The following ASRGL1 variants were observed in gnomAD, a reference collection of about 807,000 sequenced individuals.
ASRGL1 encodes isoaspartyl peptidase/L-asparaginase.
In ASRGL1, 16 loss-of-function variants were observed where a neutral mutation model predicts 22.4. The observed-to-expected ratio is 0.71, with a 90% CI of 0.48 to 1.08. The LOEUF is 1.08. Ranked by LOEUF, ASRGL1 falls within the 50% of genes least tolerant of loss-of-function variation. ASRGL1 has a pLI of 0.00. For missense variants in ASRGL1, 412 were observed against 410.1 expected (o/e 1.00, Z -0.04); for synonymous variants, 165 against 159.3 (o/e 1.04, Z -0.27).
At chr11:62,389,468 T>G in intron 5 of ASRGL1, 1 of 610,300 alleles carries the variant, frequency 1.6e-6, no homozygotes, top group East Asian at 3.2e-5. Flanking sequence ...TTTTACTAGA[T>G]TGCATGCCTT....
chr11:62,346,182 G>A (rs1946016017), intron 2 of ASRGL1, among the ~76,000 whole-genome samples: 2 of 152,068 alleles, frequency 1.3e-5, no homozygotes, highest in Admixed American at 1.3e-4. Flanking sequence ...CTATAAATTG[G>A]GGTTCCCATG....
chr11:62,353,708 T>C (rs1946216674), intron 2 of ASRGL1, among the ~76,000 whole-genome samples: 1 of 152,202 alleles, frequency 6.6e-6, no homozygotes, highest in South Asian at 2.1e-4. Context: ...TTGTCATCTG[T>C]TAATTCTTTT....
At position 62,338,027 on chromosome 11, in the gene ASRGL1, A is replaced by G. The variant is rs543873786; in HGVS notation, c.50A>G (p.Lys17Arg). 1.1e-5 allele frequency: 17 copies of G among 1,608,020 alleles called. No homozygotes were observed. The African/African-American group carries it at 2.1e-4, about 20-fold the overall frequency. Residue 17 changes from lysine to arginine, a missense_variant, in exon 2 of 7, where the codon AAG becomes AGG. Coordinates refer to ENST00000415229, the MANE Select transcript of ASRGL1 (RefSeq NM_001083926.2). Reference protein sequence around the residue: ...VHGGGAGPISKDRKERVHQGM... With the variant: ...VHGGGAGPISRDRKERVHQGM... ...GGCGGCGGAGCCGGTCCCATCTCCA[A>G]GGATCGGAAGGAGCGAGTGCACCAG...
intron 2 of ASRGL1, among the ~76,000 whole-genome samples, chr11:62,346,100 C>T (rs1457550713): frequency 6.6e-6 from 1 of 152,108 alleles, no homozygotes; most frequent in Non-Finnish European, 1.5e-5. Context: ...GGGCTCAGTC[C>T]CGTAAGACTG....
At chr11:62,362,064 T>G (rs994930663) in intron 4 of ASRGL1, among the ~76,000 whole-genome samples, 1 of 152,164 alleles carries the variant, frequency 6.6e-6, no homozygotes, top group Non-Finnish European at 1.5e-5. Context: ...GCAAGAAGCT[T>G]GGCTAAGAAT....
chr11:62,349,091 C>T (rs962433058), intron 2 of ASRGL1, among the ~76,000 whole-genome samples: 1 of 152,122 alleles, frequency 6.6e-6, no homozygotes, highest in African/African-American at 2.4e-5. Context: ...GCCTCAGCCT[C>T]CTGAGTCGCT....
intron 5 of ASRGL1, 71 bp downstream of exon 5, chr11:62,389,322 C>T (rs1299437130): frequency 3.7e-6 from 5 of 1,353,224 alleles, no homozygotes; most frequent in Non-Finnish European, 4.2e-6. Context: ...CTCTCTATTC[C>T]CTGCCCCTCT....
At chr11:62,345,713 T>C (rs1023690433) in intron 2 of ASRGL1, among the ~76,000 whole-genome samples, 2 of 152,116 alleles carry the variant, frequency 1.3e-5, no homozygotes, top group African/African-American at 4.8e-5. Context: ...TGGAAAACAT[T>C]TATGTTTACC....
At chr11:62,391,655 A>C (rs768762927) in intron 6 of ASRGL1, 23 bp downstream of exon 6, 5 of 1,582,138 alleles carry the variant, frequency 3.2e-6, no homozygotes, top group Non-Finnish European at 4.3e-6. Flanking sequence ...CAGGACAAGT[A>C]AAATAATTTG....
At chr11:62,355,091 T>C (rs1292969728) in intron 2 of ASRGL1, among the ~76,000 whole-genome samples, 1 of 150,652 alleles carries the variant, frequency 6.6e-6, no homozygotes, top group Non-Finnish European at 1.5e-5. Flanking sequence ...CTAGTTTTTA[T>C]ATTTTTAGTA....
Position 62,357,064 on chromosome 11 carries a change from A to G in ASRGL1, c.411A>G (p.Glu137=), listed in dbSNP as rs754580834. Residue 137 remains glutamate, a synonymous_variant, in exon 4 of 7, where the codon GAA becomes GAG. Transcript: ENST00000415229. Reference sequence around the variant, plus strand: ...TGGGGGTTCCAGAGATTCCTGGAGAAAAACTGGTGACAGAGAGAAACAAAA... The same window carrying G: ...TGGGGGTTCCAGAGATTCCTGGAGAGAAACTGGTGACAGAGAGAAACAAAA... ...AAMGVPEIPG[E]KLVTERNKKR... 3.1e-6 allele frequency: 5 copies of G among 1,614,090 alleles called. No individual in the cohort carries two copies. In the Admixed American group the frequency reaches 8.3e-5, roughly 27 times the overall value.
At chr11:62,342,620 G>A (rs2513054) in intron 2 of ASRGL1, among the ~76,000 whole-genome samples, 34,750 of 99,210 alleles carry the variant, frequency 0.35, 4,222 homozygotes, top group East Asian at 0.54. Context: ...AGCCAGGCAT[G>A]GTATGGCACA....
chr11:62,389,066 A>G (rs1162184988), intron 4 of ASRGL1, 67 bp from the exon 5 acceptor site: 8 of 1,356,358 alleles, frequency 5.9e-6, no homozygotes, highest in Non-Finnish European at 7.3e-6. Context: ...GTTTTAAGGT[A>G]CATTGTTGGT....
Position 62,392,436 on chromosome 11 carries a change from TG to T in ASRGL1, c.*156del. On this transcript the variant is annotated 3_prime_UTR_variant, in exon 7 of 7. Coordinates refer to ENST00000415229, the MANE Select transcript of ASRGL1 (RefSeq NM_001083926.2). ...TAATAAGCATCTGAATGTTTGGTTG[TG>T]GGGCGGGTTCTGAAGCGATGAGAGA... 2 of 942,396 alleles carry T rather than the reference TG, an allele frequency of 2.1e-6. No individual in the cohort carries two copies. Among genetic ancestry groups the T allele is most frequent in the Non-Finnish European group, 1.6e-6 (1 of 631,328 alleles). 58.4% of individuals were successfully genotyped at this position (942,396 alleles called of 1,614,324 possible). A position where few individuals can be genotyped will look rare whatever the true frequency, so the allele number is the denominator to read the frequency against.
intron 4 of ASRGL1, among the ~76,000 whole-genome samples, chr11:62,363,665 G>A (rs951063127): frequency 3.3e-5 from 5 of 152,158 alleles, no homozygotes; most frequent in Admixed American, 1.3e-4. Flanking sequence ...GTATTTGAGT[G>A]TGATCATGTA....
intron 4 of ASRGL1, among the ~76,000 whole-genome samples, chr11:62,358,592 A>G (rs548525101): frequency 6.6e-6 from 1 of 152,310 alleles, no homozygotes; most frequent in African/African-American, 2.4e-5. Flanking sequence ...GGTTCCTGCC[A>G]TGGTCCCTGC....
chr11:62,358,303 G>A (rs1160024083), intron 4 of ASRGL1, among the ~76,000 whole-genome samples: 3 of 150,272 alleles, frequency 2.0e-5, no homozygotes, highest in African/African-American at 7.3e-5. Flanking sequence ...CCGGGAGGCA[G>A]AGGTTGCGGT....
intron 2 of ASRGL1, among the ~76,000 whole-genome samples, chr11:62,352,075 A>G (rs947324632): frequency 3.9e-5 from 6 of 152,152 alleles, no homozygotes; most frequent in Non-Finnish European, 7.4e-5. Context: ...GTCCCCCTCA[A>G]AATTTAAGTG....
At chr11:62,372,654 T>C in intron 4 of ASRGL1, 1 of 980,708 alleles carries the variant, frequency 1.0e-6, no homozygotes, top group Non-Finnish European at 1.7e-6. Context: ...CTCCCAGAAG[T>C]GAGTCTTCTC....
Sources: gnomAD v4.1 joint callset for allele counts (sites outside exome capture counted in the v4.1 genomes callset) on GRCh38, gnomAD v4.1.1 for gene constraint, MANE v1.5 for transcripts, NCBI Gene and HGNC (gene_info 2026-07-23, HGNC 2026-07-21) for gene names.